The following RIPOR2 variants were observed in gnomAD, a reference collection of about 807,000 sequenced individuals.
RIPOR2 encodes RHO family interacting cell polarization regulator 2, also known as rho family-interacting cell polarization regulator 2.
A neutral mutation model predicts 114.5 loss-of-function variants in RIPOR2; 39 were observed. The observed-to-expected ratio is 0.34, with a 90% CI of 0.26 to 0.44. The LOEUF (loss-of-function observed/expected upper bound fraction) is 0.44. Ranked by LOEUF, RIPOR2 falls within the 20% of genes least tolerant of loss-of-function variation. The pLI is 1.00. For synonymous variants in RIPOR2, 445 were observed against 484.4 expected (o/e 0.92, Z 1.07); for missense variants, 1,007 against 1,255.1 (o/e 0.80, Z 2.99).
At chr6:24,966,240 T>A (rs1561813131) in intron 1 of RIPOR2, among the ~76,000 whole-genome samples, 1 of 152,144 alleles carries the variant, frequency 6.6e-6, no homozygotes, top group Non-Finnish European at 1.5e-5. Flanking sequence ...AACCAGCACA[T>A]ACATCAGATG....
At chr6:24,939,357 A>C (rs1236975738), upstream of RIPOR2, among the ~76,000 whole-genome samples, 6 of 152,206 alleles carry the variant, frequency 3.9e-5, no homozygotes, top group African/African-American at 1.4e-4. Context: ...GGCTCCTAAG[A>C]GTGGCAAATT....
chr6:24,886,902 C>G (rs528672248), intron 1 of RIPOR2, among the ~76,000 whole-genome samples: 1 of 152,308 alleles, frequency 6.6e-6, no homozygotes, highest in East Asian at 1.9e-4. Flanking sequence ...CTGCCCAAAT[C>G]AATTATTCCT....
At chr6:24,902,193 T>C (rs1205571173) in intron 1 of RIPOR2, among the ~76,000 whole-genome samples, 2 of 151,204 alleles carry the variant, frequency 1.3e-5, no homozygotes, top group Admixed American at 6.6e-5. Context: ...ATCCAATTAC[T>C]TTTTCTTTTT....
intron 1 of RIPOR2, among the ~76,000 whole-genome samples, chr6:25,026,745 G>T (rs561909577): frequency 1.7e-4 from 26 of 152,326 alleles, no homozygotes; most frequent in African/African-American, 5.8e-4. Flanking sequence ...TCAAGACCAT[G>T]ACAACTTTAA....
intron 1 of RIPOR2, among the ~76,000 whole-genome samples, chr6:24,897,619 C>T (rs2817721): frequency 0.23 from 34,270 of 152,068 alleles, 4,339 homozygotes; most frequent in African/African-American, 0.34. Flanking sequence ...AATGAAAGTT[C>T]GTCTAAACTT....
upstream of RIPOR2, among the ~76,000 whole-genome samples, chr6:24,940,543 A>G (rs1165863549): frequency 2.0e-5 from 3 of 152,226 alleles, no homozygotes; most frequent in Non-Finnish European, 2.9e-5. Flanking sequence ...AGAGTCAGAA[A>G]TAATCTTATC....
chr6:24,871,621 G>A (rs1765183003), intron 4 of RIPOR2, among the ~76,000 whole-genome samples: 1 of 152,150 alleles, frequency 6.6e-6, no homozygotes, highest in South Asian at 2.1e-4. Context: ...CAAAGTGCTG[G>A]GGATTACAGG....
Position 24,825,545 on chromosome 6 carries a change from T to C in RIPOR2, c.2666-117A>G. ...AGTATAGTATAGTAACTCCAATACA[T>C]ATGAAAAATTAGCATCTGATAAAGA... On this transcript the variant is annotated intron_variant, in intron 18 of 21. Transcript: ENST00000643898. 4.4e-6 allele frequency: 3 copies of C among 689,060 alleles called. No individual in the cohort carries two copies. The South Asian group carries it at 5.7e-5, about 13-fold the overall frequency. 42.7% of individuals were successfully genotyped at this position (689,060 alleles called of 1,614,324 possible).
chr6:24,917,911 A>T (rs1388988054), intron 1 of RIPOR2, among the ~76,000 whole-genome samples: 1 of 152,166 alleles, frequency 6.6e-6, no homozygotes, highest in Non-Finnish European at 1.5e-5. Context: ...GGGAAACATT[A>T]AAAAAAGAGA....
chr6:24,851,205 A>G (rs1052970625), intron 9 of RIPOR2, among the ~76,000 whole-genome samples: 2 of 152,108 alleles, frequency 1.3e-5, no homozygotes, highest in African/African-American at 4.8e-5. Context: ...CGAGACTTTT[A>G]AAGCACAGTA....
intron 1 of RIPOR2, among the ~76,000 whole-genome samples, chr6:24,919,055 A>G (rs1770294989): frequency 6.6e-6 from 1 of 152,214 alleles, no homozygotes; most frequent in Admixed American, 6.5e-5. Context: ...TTCACTTTGC[A>G]GAGGTGAAAG....
chr6:24,969,959 A>T (rs402518), intron 1 of RIPOR2, among the ~76,000 whole-genome samples: 1 of 152,074 alleles, frequency 6.6e-6, no homozygotes, highest in African/African-American at 2.4e-5. Flanking sequence ...TGTGCTGCAC[A>T]TGGTAGCTGT....
intron 1 of RIPOR2, among the ~76,000 whole-genome samples, chr6:24,943,161 A>G (rs1291821438): frequency 2.0e-5 from 3 of 152,266 alleles, no homozygotes; most frequent in Non-Finnish European, 4.4e-5. Flanking sequence ...CTATGCAGCC[A>G]TAGAAAATGA....
chr6:24,998,119 ACT>A (rs535930921), intron 1 of RIPOR2, among the ~76,000 whole-genome samples: 26 of 151,848 alleles, frequency 1.7e-4, no homozygotes, highest in Non-Finnish European at 3.2e-4. Context: ...ATTAGCCCAC[ACT>A]CTTAAACTGC....
intron 1 of RIPOR2, among the ~76,000 whole-genome samples, chr6:24,876,499 C>T (rs923716591): frequency 1.6e-4 from 25 of 152,008 alleles, no homozygotes; most frequent in Non-Finnish European, 2.9e-5. Context: ...AGTCATGCGT[C>T]AAACTGAAAA....
intron 2 of RIPOR2, 142 bp downstream of exon 2, chr6:24,875,549 A>C (rs1180164695): frequency 4.1e-6 from 3 of 739,504 alleles, no homozygotes; most frequent in African/African-American, 3.6e-5. Flanking sequence ...TTTTTAGTAC[A>C]TCCTTTCCAT....
intron 1 of RIPOR2, among the ~76,000 whole-genome samples, chr6:25,017,613 C>T: frequency 6.6e-6 from 1 of 152,206 alleles, no homozygotes; most frequent in South Asian, 2.1e-4. Context: ...TATTCAGTGC[C>T]CTTCAGTTTT....
At chr6:24,984,272 AAG>A (rs1456668032) in intron 1 of RIPOR2, among the ~76,000 whole-genome samples, 1 of 152,174 alleles carries the variant, frequency 6.6e-6, no homozygotes, top group African/African-American at 2.4e-5. Flanking sequence ...TGAGTCCGAA[AAG>A]AGAGTCAGCA....
In RIPOR2 at chr6:24,916,598, GTACCTATAGAAGCA is replaced by G. The variant is rs1422736954; in HGVS notation, c.61+19226_61+19239del. Among the ~76,000 whole-genome samples the G allele has an allele frequency of 2.0e-5, 3 of 152,180 alleles. No homozygotes were observed. In the East Asian group the frequency reaches 5.8e-4, roughly 29 times the overall value. ...GCCTGCATTTATTGGTGTCTGAACT[GTACCTATAGAAGCA>G]TATTTCAACCCGACAAGTGACAGCT... On this transcript the variant is annotated intron_variant, in intron 1 of 21. Transcript: ENST00000643898.
Sources: gnomAD v4.1 joint callset for allele counts (sites outside exome capture counted in the v4.1 genomes callset) on GRCh38, gnomAD v4.1.1 for gene constraint, MANE v1.5 for transcripts, NCBI Gene and HGNC (gene_info 2026-07-23, HGNC 2026-07-21) for gene names.